Variants in ASPM observed in about 807,000 individuals in gnomAD.
ASPM encodes the protein abnormal spindle-like microcephaly-associated protein.
ASPM carries 256 observed loss-of-function variants against 366.4 expected under a neutral mutation model. The observed-to-expected ratio is 0.70, with a 90% confidence interval of 0.63 to 0.77. The LOEUF is 0.77. Among genes scored for constraint, ASPM ranks in the 30% least tolerant of loss-of-function variants. The probability of loss-of-function intolerance (pLI) is 0.00; values close to 1 mark genes in which losing one functional copy is unlikely to be tolerated. For synonymous variants in ASPM, 1,414 were observed against 1,342.9 expected (o/e 1.05, Z -1.16); for missense variants, 4,146 against 4,090.4 (o/e 1.01, Z -0.37).
At chr1:197,097,725 G>A (rs1382987589) in intron 18 of ASPM, among the ~76,000 whole-genome samples, 1 of 151,472 alleles carries the variant, frequency 6.6e-6, no homozygotes, top group Non-Finnish European at 1.5e-5. Context: ...TGTTTCAATT[G>A]GCCATTTAAC....
intron 18 of ASPM, among the ~76,000 whole-genome samples, chr1:197,097,178 C>CTG (rs1349828944): frequency 1.3e-5 from 2 of 151,748 alleles, no homozygotes; most frequent in African/African-American, 4.8e-5. Flanking sequence ...ATTGTGAAGA[C>CTG]TGTTTCTCTA....
At chr1:197,089,008 T>C (rs2336594) in intron 25 of ASPM, among the ~76,000 whole-genome samples, 8 of 76,918 alleles carry the variant, frequency 1.0e-4, no homozygotes, top group Admixed American at 2.4e-4. Context: ...AAGATAAAAA[T>C]AACAAAACAA....
intron 17 of ASPM, among the ~76,000 whole-genome samples, chr1:197,113,199 A>G (rs1657638741): frequency 6.6e-6 from 1 of 152,104 alleles, no homozygotes; most frequent in Admixed American, 6.6e-5. Flanking sequence ...AACAATAGAC[A>G]CCGGGACTGC....
chr1:197,089,678 A>G (rs1656711724), intron 25 of ASPM, among the ~76,000 whole-genome samples: 1 of 152,010 alleles, frequency 6.6e-6, no homozygotes, highest in Admixed American at 6.6e-5. Flanking sequence ...GTACTTAATA[A>G]CTTTTAATCA....
chr1:197,099,556 G>A (rs1287915795), intron 18 of ASPM, among the ~76,000 whole-genome samples: 1 of 151,474 alleles, frequency 6.6e-6, no homozygotes, highest in East Asian at 1.9e-4. Context: ...CCCATTCTGT[G>A]TTTCCTGAAA....
chr1:197,093,796 T>G (rs1274357441), intron 20 of ASPM, among the ~76,000 whole-genome samples: 1 of 151,766 alleles, frequency 6.6e-6, no homozygotes, highest in Non-Finnish European at 1.5e-5. Flanking sequence ...AAACCTTTAA[T>G]TTATAAAAAA....
At chr1:197,100,036 T>G (rs1657102660) in intron 18 of ASPM, among the ~76,000 whole-genome samples, 1 of 151,778 alleles carries the variant, frequency 6.6e-6, no homozygotes, top group Non-Finnish European at 1.5e-5. Flanking sequence ...CAGCTCTGGT[T>G]AATAGATTAT....
At chr1:197,084,465 T>C in intron 27 of ASPM, 39 bp from the exon 28 acceptor site, 1 of 1,422,738 alleles carries the variant, frequency 7.0e-7, no homozygotes, top group South Asian at 1.2e-5. Flanking sequence ...TTAATAAAGT[T>C]CTTCTCTTTA....
chr1:197,098,260 T>G (rs1657044393), intron 18 of ASPM, among the ~76,000 whole-genome samples: 1 of 151,288 alleles, frequency 6.6e-6, no homozygotes, highest in Non-Finnish European at 1.5e-5. Context: ...TATATCCCAG[T>G]GGCTCCCAAA....
rs1372120728 is a variant in ASPM at position 197,106,916 on chromosome 1, TGCA to T, written c.4066-1734_4066-1732del. On this transcript the variant is annotated intron_variant, in intron 17 of 27. Transcript: ENST00000367409. ...TTCTTTCTACTCTACCACAGATATC[TGCA>T]GCAGGTTGAGTGCATTAACAGCCCA... 3.9e-5 allele frequency among the ~76,000 whole-genome samples: 6 copies of T among 152,226 alleles called. 1 individual carries two copies. The highest frequency in any genetic ancestry group is 1.4e-4 in the African/African-American group (6 of 41,580).
intron 3 of ASPM, among the ~76,000 whole-genome samples, chr1:197,140,302 G>A (rs1411389585): frequency 1.3e-5 from 2 of 152,216 alleles, no homozygotes; most frequent in Non-Finnish European, 2.9e-5. Flanking sequence ...TAGGCATGAG[G>A]AATGTGGCCT....
chr1:197,141,064 A>G (rs1270272075), intron 3 of ASPM, among the ~76,000 whole-genome samples: 1 of 152,154 alleles, frequency 6.6e-6, no homozygotes, highest in African/African-American at 2.4e-5. Context: ...GCTACTAAAT[A>G]TAAGCAAAGA....
chr1:197,105,165 G>A lies in ASPM; in HGVS notation c.4086C>T (p.Ser1362=). Residue 1362 remains serine, a synonymous_variant, in exon 18 of 28, where the codon TCC becomes TCT. Coordinates refer to ENST00000367409, the MANE Select transcript of ASPM (RefSeq NM_018136.5). ...TCAATTTCAGAAATCTTTGTCTAGT[G>A]GAATATCTTCTCCAATATCCCTGGA... ...SLIQGYWRRY[S]TRQRFLKLKY... is the part of the protein sequence containing the mutation. 5 of 1,606,034 alleles carry A rather than the reference G, an allele frequency of 3.1e-6. No individual in the cohort carries two copies. Among genetic ancestry groups the A allele is most frequent in the Non-Finnish European group, 4.3e-6 (5 of 1,173,940 alleles).
At position 197,133,369 on chromosome 1, in the gene ASPM, T is replaced by C; in HGVS notation, c.2400A>G (p.Arg800=). 6.2e-7 allele frequency: 1 copy of C among 1,613,886 alleles called. No homozygotes were observed. Among genetic ancestry groups the C allele is most frequent in the South Asian group, 1.1e-5 (1 of 91,022 alleles). ...EARRLIVRKD[R]HLWKDVGERQ... is the part of the protein sequence containing the mutation. ...TCTTACCCACATCTTTCCATAGGTG[T>C]CTATCTTTTCGAACAATTAACCGCC... is the stretch of plus-strand genomic sequence containing the variant. Residue 800 remains arginine (R), a synonymous_variant, in exon 6 of 28, where the codon AGA becomes AGG. Transcript: ENST00000367409.
Position 197,096,091 on chromosome 1 carries a change from T to TA in ASPM, c.8893dup (p.Tyr2965LeufsTer2). 6.2e-7 allele frequency: 1 copy of TA among 1,609,818 alleles called. No homozygotes were observed. The highest frequency in any genetic ancestry group is 8.5e-7 in the Non-Finnish European group (1 of 1,176,716). The stretch of plus-strand genomic sequence containing the variant: ...TTCTTTGTGTGCTCTCCAACATCTA[T>TA]ACCAGGCTTGAATCTTGCAGGCAGC... On this transcript the variant is annotated frameshift_variant, in exon 19 of 28. Transcript: ENST00000367409. LOFTEE classifies it high-confidence loss of function.
rs1396705522 is a variant in ASPM at position 197,093,302 on chromosome 1, GA to G, written c.9085-42del. 8 of 1,516,768 alleles carry G rather than the reference GA, an allele frequency of 5.3e-6. 1 individual carries two copies. Among genetic ancestry groups the G allele is most frequent in the Middle Eastern group, 1.7e-4 (1 of 5,728 alleles). 94.0% of individuals were successfully genotyped at this position (1,516,768 alleles called of 1,614,324 possible). A position where few individuals can be genotyped will look rare whatever the true frequency, so the allele number is the denominator to read the frequency against. On this transcript the variant is annotated intron_variant, in intron 20 of 27. Transcript: ENST00000367409. ...TACAAGTAACATTAATGGGTAGAAA[GA>G]AAAAGATTTCCAACCCACTAGAAGT...
In ASPM at chr1:197,117,909, T is replaced by G; in HGVS notation, c.3945A>C (p.Arg1315Ser). 1.9e-6 allele frequency: 3 copies of G among 1,613,570 alleles called. No individual in the cohort carries two copies. In the South Asian group the frequency reaches 3.3e-5, roughly 18 times the overall value. ...NFLAKQRLRK[R>S]VNAALVIQKY... ...TCTGAATGACGAGTGCTGCATTAACTCTTTTTCTCAATCTTTGTTTTGCTA... is the reference window on the plus strand; with the variant it reads ...TCTGAATGACGAGTGCTGCATTAACGCTTTTTCTCAATCTTTGTTTTGCTA... Residue 1315 changes from arginine (R) to serine (S), a missense_variant, in exon 17 of 28, where the codon AGA (arginine) becomes AGC (serine). Transcript: ENST00000367409.
rs1417960483 is a variant in ASPM at position 197,091,931 on chromosome 1, C to T, written c.9420G>A (p.Gln3140=). The T allele has an allele frequency of 6.2e-7, 1 of 1,610,606 alleles. No individual in the cohort carries two copies. Among genetic ancestry groups the T allele is most frequent in the South Asian group, 1.1e-5 (1 of 90,950 alleles). Residue 3140 remains glutamine, a synonymous_variant, in exon 22 of 28, where the codon CAG becomes CAA. Coordinates refer to ENST00000367409, the MANE Select transcript of ASPM (RefSeq NM_018136.5). Reference sequence around the variant, plus strand: ...CCTGAATACAGATGACTGAATTAACCTGCTTGTTAGCATTCTTCACAGCCA... The same window carrying T: ...CCTGAATACAGATGACTGAATTAACTTGCTTGTTAGCATTCTTCACAGCCA... ...LYLAVKNANK[Q]VNSVICIQRW...
chr1:197,128,230 T>A (rs1658147239), intron 10 of ASPM, among the ~76,000 whole-genome samples: 1 of 151,804 alleles, frequency 6.6e-6, no homozygotes. Flanking sequence ...TCCCAACTCC[T>A]ATTCTGAGAC....
Sources: gnomAD v4.1 joint callset for allele counts (sites outside exome capture counted in the v4.1 genomes callset) on GRCh38, gnomAD v4.1.1 for gene constraint, MANE v1.5 for transcripts, NCBI Gene and HGNC (gene_info 2026-07-23, HGNC 2026-07-21) for gene names.